Variants in NBAS observed in about 807,000 individuals in gnomAD.
NBAS encodes NBAS subunit of NRZ tethering complex, also known as NAG/BC035112 fusion.
In NBAS, 219 loss-of-function variants were observed where a neutral mutation model predicts 302.5. The ratio of observed to expected loss-of-function variants is 0.72; its 90% CI spans 0.65 to 0.81. NBAS has a LOEUF of 0.81. Among genes scored for constraint, NBAS ranks in the 30% least tolerant of loss-of-function variants. The pLI is 0.00. For synonymous variants in NBAS, 1,118 were observed against 1,021.6 expected, an observed-to-expected ratio of 1.09 and a Z score of -1.80; for missense variants, 2,932 against 2,841.6, an observed-to-expected ratio of 1.03 and a Z score of -0.72.
chr2:15,327,834 C>A lies in NBAS; in HGVS notation c.4498G>T (p.Val1500Leu). The change falls in exon 38 of 52, where the codon GTG becomes TTG. Residue 1500 changes from valine (V) to leucine (L), a missense_variant. Coordinates refer to ENST00000281513, the MANE Select transcript of NBAS (RefSeq NM_015909.4). ...AGCAATACTTCTGCAAAGCTTTCCACTGGAACATGCTGATAGGTGTCATAG... is the reference window on the plus strand; with the variant it reads ...AGCAATACTTCTGCAAAGCTTTCCAATGGAACATGCTGATAGGTGTCATAG... ...GTYDTYQHVP[V>L]ESFAEVLLRT... The A allele has an allele frequency of 6.2e-7, 1 of 1,613,628 alleles. No individual in the cohort carries two copies. The highest frequency in any genetic ancestry group is 1.1e-5 in the South Asian group (1 of 91,078).
chr2:15,498,929 CTT>C (rs374067971), intron 11 of NBAS, among the ~76,000 whole-genome samples: 79,423 of 133,092 alleles, frequency 0.6, 23,387 homozygotes, highest in Non-Finnish European at 0.65. Context: ...CAGGGAGTTA[CTT>C]TTTTTTTTTT....
the NBAS span, among the ~76,000 whole-genome samples, chr2:15,082,487 C>T: frequency 6.6e-6 from 1 of 152,318 alleles, no homozygotes; most frequent in Admixed American, 6.5e-5. Flanking sequence ...CACTTTCACT[C>T]TCTCTGGGCC....
At chr2:15,560,667 G>C (rs1664868223) in intron 1 of NBAS, among the ~76,000 whole-genome samples, 1 of 151,982 alleles carries the variant, frequency 6.6e-6, no homozygotes, top group Non-Finnish European at 1.5e-5. Flanking sequence ...CCAGCCCCCA[G>C]TATGGGTAAA....
chr2:15,484,857 C>T (rs770316886), intron 12 of NBAS, among the ~76,000 whole-genome samples: 4 of 152,158 alleles, frequency 2.6e-5, no homozygotes, highest in South Asian at 4.1e-4. Context: ...TATGTTATTA[C>T]GTAAATAGGA....
chr2:15,289,601 C>T (rs1055818485), intron 41 of NBAS, among the ~76,000 whole-genome samples: 13 of 152,164 alleles, frequency 8.5e-5, no homozygotes, highest in Non-Finnish European at 1.8e-4. Context: ...CTATGTTATA[C>T]CCTCTTCACA....
At chr2:15,275,365 A>T (rs1264370389) in intron 44 of NBAS, 119 bp downstream of exon 44, 7 of 1,234,044 alleles carry the variant, frequency 5.7e-6, no homozygotes, top group Non-Finnish European at 7.8e-6. Context: ...AAAACTTTTT[A>T]AAAAGCCAAC....
the NBAS span, among the ~76,000 whole-genome samples, chr2:14,822,678 G>A: frequency 5.9e-5 from 9 of 152,098 alleles, no homozygotes; most frequent in Non-Finnish European, 1.0e-4. Context: ...CCCATCACAC[G>A]GTGTAACCTC....
At chr2:14,815,232 GCTTAGGGCATGCACATCAA>G in the NBAS span, among the ~76,000 whole-genome samples, 5 of 152,166 alleles carry the variant, frequency 3.3e-5, no homozygotes, top group Admixed American at 1.3e-4. Flanking sequence ...TAGCTATAAG[GCTTAGGGCATGCACATCAA>G]CTCCCATGAT....
At chr2:15,122,346 GA>G in the NBAS span, among the ~76,000 whole-genome samples, 1 of 152,298 alleles carries the variant, frequency 6.6e-6, no homozygotes, top group Non-Finnish European at 1.5e-5. Context: ...ACTCATGGTA[GA>G]AGGGGAAGCC....
At chr2:15,254,928 A>G (rs1030914651) in intron 44 of NBAS, among the ~76,000 whole-genome samples, 14 of 151,954 alleles carry the variant, frequency 9.2e-5, no homozygotes, top group Middle Eastern at 3.4e-3. Flanking sequence ...GTGTGTGTGC[A>G]CACGTGTACC....
chr2:15,531,524 G>A (rs111238942), intron 9 of NBAS, among the ~76,000 whole-genome samples: 1,938 of 152,222 alleles, frequency 0.013, 36 homozygotes, highest in African/African-American at 0.044. Context: ...ATTTCAAAAC[G>A]TGGCAAATTA....
the NBAS span, among the ~76,000 whole-genome samples, chr2:14,780,449 T>C: frequency 2.6e-5 from 4 of 152,222 alleles, no homozygotes; most frequent in African/African-American, 9.6e-5. Context: ...AATTAGGCCT[T>C]CATTTGATTT....
intron 13 of NBAS, among the ~76,000 whole-genome samples, 178 bp from the exon 14 acceptor site, chr2:15,476,058 G>C (rs757373816): frequency 2.0e-5 from 3 of 152,072 alleles, no homozygotes; most frequent in Non-Finnish European, 2.9e-5. Flanking sequence ...TACTCTATGA[G>C]GTATAAAATG....
intron 10 of NBAS, among the ~76,000 whole-genome samples, chr2:15,505,961 AGAG>A (rs1028455012): frequency 2.1e-5 from 3 of 144,690 alleles, no homozygotes; most frequent in Non-Finnish European, 2.9e-5. Context: ...TATAAGAAAA[AGAG>A]AAAATTATCT....
chr2:15,494,368 G>T (rs1680985794), intron 11 of NBAS, among the ~76,000 whole-genome samples: 1 of 152,124 alleles, frequency 6.6e-6, no homozygotes, highest in Admixed American at 6.5e-5. Flanking sequence ...TTATAAGGTT[G>T]CCCCAAGGAT....
At chr2:15,038,811 G>A in the NBAS span, among the ~76,000 whole-genome samples, 9 of 152,206 alleles carry the variant, frequency 5.9e-5, no homozygotes, top group African/African-American at 1.4e-4. Flanking sequence ...ACTCCATGCT[G>A]CCTGGCCAGA....
chr2:14,882,345 C>T, the NBAS span, among the ~76,000 whole-genome samples: 4 of 152,178 alleles, frequency 2.6e-5, no homozygotes, highest in Admixed American at 2.0e-4. Flanking sequence ...CCCAGATCTT[C>T]ACCTTCCAAG....
chr2:14,796,300 T>C, the NBAS span, among the ~76,000 whole-genome samples: 3 of 151,894 alleles, frequency 2.0e-5, no homozygotes, highest in Non-Finnish European at 2.9e-5. Context: ...ATTCTTCCTT[T>C]CCAAAGTTAT....
intron 44 of NBAS, among the ~76,000 whole-genome samples, chr2:15,273,916 A>C (rs112058529): frequency 0.054 from 8,119 of 151,516 alleles, 289 homozygotes; most frequent in African/African-American, 0.1. Context: ...TCTACTAAAA[A>C]TACAAAAAAA....
Sources: gnomAD v4.1 joint callset for allele counts (sites outside exome capture counted in the v4.1 genomes callset) on GRCh38, gnomAD v4.1.1 for gene constraint, MANE v1.5 for transcripts, NCBI Gene and HGNC (gene_info 2026-07-23, HGNC 2026-07-21) for gene names.